Variants in HELZ observed in about 807,000 individuals in gnomAD.
The protein encoded by HELZ is ATP-dependent RNA helicase with zinc finger domain.
HELZ carries 23 observed loss-of-function variants against 218.2 expected under a neutral mutation model. The observed-to-expected ratio is 0.11, with a 90% CI of 0.08 to 0.15. The LOEUF is 0.15. HELZ is among the 10% of genes least tolerant of loss of function. The pLI, the probability that HELZ is intolerant of heterozygous loss-of-function variation, is 1.00. For synonymous variants in HELZ, 814 were observed against 829.4 expected (o/e 0.98, Z 0.32); for missense variants, 1,813 against 2,353.7 (o/e 0.77, Z 4.75).
At chr17:67,167,993 G>GT (rs1360189237) in intron 13 of HELZ, among the ~76,000 whole-genome samples, 197 bp from the exon 14 acceptor site, 5 of 146,984 alleles carry the variant, frequency 3.4e-5, no homozygotes, top group Admixed American at 6.8e-5. Flanking sequence ...TTTTTTTTTT[G>GT]TTTTTTTGAG....
At chr17:67,114,136 T>C (rs937894527) in intron 28 of HELZ, among the ~76,000 whole-genome samples, 188 bp downstream of exon 28, 4 of 152,216 alleles carry the variant, frequency 2.6e-5, no homozygotes, top group Non-Finnish European at 5.9e-5. Flanking sequence ...AGTATACTGA[T>C]ACATGAAATA....
At position 67,173,112 on chromosome 17, in the gene HELZ, A is replaced by G. The variant is rs2144190458; in HGVS notation, c.1431-5316T>C. On this transcript the variant is annotated intron_variant, in intron 13 of 32. Transcript: ENST00000358691. Reference sequence around the variant, plus strand: ...AGAAATAAAATAAAATAAAAGTCCTAAGAAATGCAGCTTTTCCCACAGAAA... The same window carrying G: ...AGAAATAAAATAAAATAAAAGTCCTGAGAAATGCAGCTTTTCCCACAGAAA... 3.8e-6 allele frequency: 3 copies of G among 795,136 alleles called. No homozygotes were observed. In the South Asian group the frequency reaches 1.7e-4, roughly 45 times the overall value. The allele number at this position is 795,136 out of a possible 1,614,324, so 49.3% of individuals were successfully genotyped here.
At position 67,215,882 on chromosome 17, in the gene HELZ, C is replaced by A; in HGVS notation, c.247+17G>T. Reference sequence around the variant, plus strand: ...CATTGTTCAATTCAATAATTCGAGTCTCATTTTTAAACATACCATGTCTAC... The same window carrying A: ...CATTGTTCAATTCAATAATTCGAGTATCATTTTTAAACATACCATGTCTAC... On this transcript the variant is annotated intron_variant, in intron 5 of 32. Transcript: ENST00000358691. 1 of 1,508,670 alleles carries A rather than the reference C, an allele frequency of 6.6e-7. No homozygotes were observed. Among genetic ancestry groups the A allele is most frequent in the South Asian group, 1.1e-5 (1 of 87,114 alleles). 93.5% of individuals were successfully genotyped at this position (1,508,670 alleles called of 1,614,324 possible).
intron 3 of HELZ, among the ~76,000 whole-genome samples, chr17:67,229,666 A>G (rs2040984836): frequency 6.6e-6 from 1 of 152,210 alleles, no homozygotes; most frequent in Non-Finnish European, 1.5e-5. Context: ...TACCAAATTC[A>G]GTTCTCATTA....
Position 67,108,370 on chromosome 17 carries a change from G to T in HELZ, c.4724+122C>A. ...CAAGAGAACTGTGTAGCGTGTGCTT[G>T]GAAGGCCAGCATCCAATTTCTCTGA... On this transcript the variant is annotated intron_variant, in intron 30 of 32. Coordinates refer to ENST00000358691, the MANE Select transcript of HELZ (RefSeq NM_014877.4). The surrounding 1 kb of genome is among the most constrained non-coding windows in gnomAD (Gnocchi z 4.1). 1.4e-6 allele frequency: 1 copy of T among 714,768 alleles called. No homozygotes were observed. The highest frequency in any genetic ancestry group is 2.4e-6 in the Non-Finnish European group (1 of 413,230). 44.3% of individuals were successfully genotyped at this position (714,768 alleles called of 1,614,324 possible).
rs1421527446 is a variant in HELZ, at chr17:67,135,961, C to A, written c.3182+9G>T. ...CCCCTTTAATGTCTCAACATTAACA[C>A]ATAATTACCTGCATCTTCCAATAGA... On this transcript the variant is annotated intron_variant, in intron 23 of 32. Coordinates refer to ENST00000358691, the MANE Select transcript of HELZ (RefSeq NM_014877.4). The A allele has an allele frequency of 3.8e-6, 6 of 1,599,360 alleles. No homozygotes were observed. In the South Asian group the frequency reaches 6.7e-5, roughly 18 times the overall value.
upstream of HELZ, chr17:67,245,599 T>C (rs538813279): frequency 9.1e-6 from 8 of 879,322 alleles, no homozygotes; most frequent in East Asian, 3.7e-4. Context: ...TTTCTGCTCC[T>C]GCGGCCGCGC....
intron 31 of HELZ, among the ~76,000 whole-genome samples, chr17:67,099,757 C>T (rs1316464837): frequency 6.6e-6 from 1 of 152,160 alleles, no homozygotes; most frequent in Non-Finnish European, 1.5e-5. Flanking sequence ...GAAAGGTCAG[C>T]AACTTAATTA....
In HELZ at chr17:67,145,153, C is replaced by G. The variant is rs183389174; in HGVS notation, c.2769+590G>C. Among the ~76,000 whole-genome samples the G allele has an allele frequency of 1.3e-3, 195 of 152,306 alleles. 1 individual carries two copies. The highest frequency in any genetic ancestry group is 0.012 in the South Asian group (58 of 4,828). On this transcript the variant is annotated intron_variant, in intron 21 of 32. Coordinates refer to ENST00000358691, the MANE Select transcript of HELZ (RefSeq NM_014877.4). ...CTGAAGTCCAGAACTCAACTCCCTCCTGACGGACAGAACCTTAACTCCAGG... is the reference window on the plus strand; with the variant it reads ...CTGAAGTCCAGAACTCAACTCCCTCGTGACGGACAGAACCTTAACTCCAGG...
intron 21 of HELZ, 25 bp from the exon 22 acceptor site, chr17:67,138,139 A>G (rs1024964199): frequency 1.3e-6 from 2 of 1,540,272 alleles, no homozygotes; most frequent in Middle Eastern, 1.7e-4. Context: ...ACACACATAC[A>G]TATTAAAGTT....
intron 8 of HELZ, 89 bp downstream of exon 8, chr17:67,195,330 C>T: frequency 1.3e-6 from 1 of 797,224 alleles, no homozygotes; most frequent in Admixed American, 1.9e-5. Context: ...CTTATATGTA[C>T]TGTAACTCAG....
Position 67,078,747 on chromosome 17 carries a change from C to T in HELZ, c.5495-161G>A, listed in dbSNP as rs904739369. On this transcript the variant is annotated intron_variant, in intron 32 of 32. Transcript: ENST00000358691. ...CTGCCATAGAATGCTGAAATCACAA[C>T]ACATCCAACCAAACGTCCCTATCTT... 8.5e-5 allele frequency among the ~76,000 whole-genome samples: 13 copies of T among 152,208 alleles called. No homozygotes were observed. The East Asian group carries it at 2.1e-3, about 25-fold the overall frequency.
At position 67,203,486 on chromosome 17, in the gene HELZ, T is replaced by C. The variant is rs200456810; in HGVS notation, c.248-43A>G. 2,851 of 1,604,860 alleles carry C rather than the reference T, an allele frequency of 1.8e-3. 4 individuals are homozygous for C. Among genetic ancestry groups the C allele is most frequent in the Non-Finnish European group, 2.2e-3 (2,602 of 1,175,310 alleles). ...CCATCATTAACCATATGACATTTAA[T>C]GCACATTTTTCTTGATTATAGTATT... On this transcript the variant is annotated intron_variant, in intron 5 of 32. Transcript: ENST00000358691.
intron 5 of HELZ, among the ~76,000 whole-genome samples, chr17:67,215,298 A>G (rs2040567684): frequency 6.6e-6 from 1 of 151,976 alleles, no homozygotes; most frequent in Non-Finnish European, 1.5e-5. Context: ...ATTTTATTCA[A>G]TGTGAGTTAT....
At chr17:67,194,563 G>A (rs2144316827) in intron 8 of HELZ, among the ~76,000 whole-genome samples, 1 of 152,178 alleles carries the variant, frequency 6.6e-6, no homozygotes, top group East Asian at 1.9e-4. Context: ...TTGAAATAAA[G>A]TTCAAAAAGT....
In HELZ at chr17:67,072,570, A is replaced by C. The variant is rs2035919066; in HGVS notation, c.*5682T>G. The C allele has an allele frequency of 1.3e-5, 2 of 152,732 alleles. No individual in the cohort carries two copies. Among genetic ancestry groups the C allele is most frequent in the African/African-American group, 4.8e-5 (2 of 41,432 alleles). 9.5% of individuals were successfully genotyped at this position (152,732 alleles called of 1,614,324 possible). The stretch of plus-strand genomic sequence containing the variant: ...ATGCACAGCTTCCAGACTGATGTCC[A>C]GGCAGCAGCGTACACAAAAGCAAAC... On this transcript the variant is annotated 3_prime_UTR_variant, in exon 33 of 33. Transcript: ENST00000358691.
chr17:67,134,713 T>C (rs182808227), intron 23 of HELZ, among the ~76,000 whole-genome samples: 6 of 151,974 alleles, frequency 3.9e-5, no homozygotes, highest in Non-Finnish European at 5.9e-5. Flanking sequence ...AACACAAAAA[T>C]AGATAATAAA....
At chr17:67,245,854 C>CG (rs1248622749), upstream of HELZ, 1 of 152,226 alleles carries the variant, frequency 6.6e-6, no homozygotes, top group Non-Finnish European at 1.5e-5. Context: ...CTCCTCCGGG[C>CG]GGGTAACGTG....
At chr17:67,219,757 A>C (rs1039739082) in intron 3 of HELZ, among the ~76,000 whole-genome samples, 4 of 152,166 alleles carry the variant, frequency 2.6e-5, no homozygotes, top group Non-Finnish European at 5.9e-5. Context: ...TACCAGTTCT[A>C]TAAAGAACTG....
Sources: allele counts gnomAD v4.1 joint callset (sites outside exome capture counted in the v4.1 genomes callset), GRCh38; gene constraint gnomAD v4.1.1; non-coding constraint Gnocchi (gnomAD v3.1); transcripts MANE v1.5; gene names NCBI Gene and HGNC (gene_info 2026-07-23, HGNC 2026-07-21).